Variants in HNRNPU observed in about 807,000 individuals in gnomAD.
The protein encoded by HNRNPU is HNRNPU antisense RNA 1.
A neutral mutation model predicts 94.7 loss-of-function variants in HNRNPU; 5 were observed. That is an observed-to-expected ratio of 0.05 (90% confidence interval 0.03 to 0.11). HNRNPU has a LOEUF of 0.11. HNRNPU is among the 10% of genes least tolerant of loss of function. HNRNPU has a pLI of 1.00. For synonymous variants in HNRNPU, 434 were observed against 381.6 expected, an observed-to-expected ratio of 1.14 and a Z score of -1.60; for missense variants, 710 against 1,049.2, an observed-to-expected ratio of 0.68 and a Z score of 4.47.
At position 244,853,895 on chromosome 1, in the gene HNRNPU, AAACC is replaced by A. The variant is rs1204523762; in HGVS notation, c.*551_*554del. 1 of 152,810 alleles carries A rather than the reference AAACC, an allele frequency of 6.5e-6. No homozygotes were observed. Among genetic ancestry groups the A allele is most frequent in the Non-Finnish European group, 1.5e-5 (1 of 68,126 alleles). 9.5% of individuals were successfully genotyped at this position (152,810 alleles called of 1,614,324 possible). A position where few individuals can be genotyped will look rare whatever the true frequency, so the allele number is the denominator to read the frequency against. ...CCAATTCCATTGTTATTTTAAGAAA[AAACC>A]TTCCCAGTTATTGTCAGAAACTATG... is the stretch of plus-strand genomic sequence containing the variant. On this transcript the variant is annotated 3_prime_UTR_variant, in exon 14 of 14. Coordinates refer to ENST00000640218, the MANE Select transcript of HNRNPU (RefSeq NM_031844.3).
In HNRNPU at chr1:244,855,625, G is replaced by A. The variant is rs1213355552; in HGVS notation, c.2168-17C>T. 8 of 1,613,000 alleles carry A rather than the reference G, an allele frequency of 5.0e-6. No homozygotes were observed. The South Asian group carries it at 8.8e-5, about 18-fold the overall frequency. On this transcript the variant is annotated splice_polypyrimidine_tract_variant and intron_variant, in intron 11 of 13. Coordinates refer to ENST00000640218, the MANE Select transcript of HNRNPU (RefSeq NM_031844.3). ...TCCCAGGGGCTAAAAGACAAGAGCTGTTTTAGTTTCATTGTATATTGTACC... is the reference window on the plus strand; with the variant it reads ...TCCCAGGGGCTAAAAGACAAGAGCTATTTTAGTTTCATTGTATATTGTACC...
At chr1:244,860,278 G>A in intron 4 of HNRNPU, 57 bp downstream of exon 4, 2 of 1,506,914 alleles carry the variant, frequency 1.3e-6, no homozygotes, top group Non-Finnish European at 1.8e-6. Context: ...TCCAGCCTAG[G>A]GAACAGAGTG....
intron 13 of HNRNPU, 128 bp downstream of exon 13, chr1:244,854,845 G>T (rs749140687): frequency 9.2e-6 from 7 of 760,290 alleles, no homozygotes; most frequent in Admixed American, 2.4e-5. Flanking sequence ...ACTGCAAGAC[G>T]ATTCACACTT....
rs1259284929 is a variant in HNRNPU, at chr1:244,856,614, A to T, written c.1755T>A (p.Ser585=). The T allele has an allele frequency of 6.2e-7, 1 of 1,613,636 alleles. No homozygotes were observed. Reference sequence around the variant, plus strand: ...ACATTTTTCTCCTCTGGGCAGCAGCAGACACATTTGTCTTTAAAAAAAGAA... The same window carrying T: ...ACATTTTTCTCCTCTGGGCAGCAGCTGACACATTTGTCTTTAAAAAAAGAA... ...RNFILDQTNV[S]AAAQRRKMCL... Residue 585 remains serine, a synonymous_variant, in exon 10 of 14, where the codon TCT becomes TCA. Coordinates refer to ENST00000640218, the MANE Select transcript of HNRNPU (RefSeq NM_031844.3).
intron 5 of HNRNPU, 133 bp downstream of exon 5, chr1:244,859,140 AAT>A (rs1680759697): frequency 1.7e-6 from 1 of 601,872 alleles, no homozygotes; most frequent in Non-Finnish European, 2.9e-6. Flanking sequence ...ACTATGTGCT[AAT>A]ATTACCTGTC....
chr1:244,858,587 T>C (rs1451592546), intron 6 of HNRNPU, 142 bp downstream of exon 6: 3 of 633,232 alleles, frequency 4.7e-6, no homozygotes, highest in African/African-American at 3.7e-5. Flanking sequence ...ATTCAACTGC[T>C]GAATGAAGTC....
chr1:244,860,603 CTGT>C (rs1680801033), intron 3 of HNRNPU, 129 bp from the exon 4 acceptor site: 1 of 678,852 alleles, frequency 1.5e-6, no homozygotes. Context: ...CCACATCATG[CTGT>C]TGTTCCAATT....
intron 4 of HNRNPU, 54 bp downstream of exon 4, chr1:244,860,281 A>G (rs1390378477): frequency 6.6e-7 from 1 of 1,511,678 alleles, no homozygotes; most frequent in Non-Finnish European, 9.0e-7. Flanking sequence ...AGCCTAGGGA[A>G]CAGAGTGAGA....
In HNRNPU at chr1:244,853,394, G is replaced by A. The variant is rs1680597412; in HGVS notation, c.*1056C>T. The A allele has an allele frequency of 2.0e-5, 3 of 152,482 alleles. No homozygotes were observed. Among genetic ancestry groups the A allele is most frequent in the African/African-American group, 7.2e-5 (3 of 41,414 alleles). The allele number at this position is 152,482 out of a possible 1,614,324, so 9.4% of individuals were successfully genotyped here. A position where few individuals can be genotyped will look rare whatever the true frequency, so the allele number is the denominator to read the frequency against. On this transcript the variant is annotated 3_prime_UTR_variant, in exon 14 of 14. Coordinates refer to ENST00000640218, the MANE Select transcript of HNRNPU (RefSeq NM_031844.3). ...GAGAATCCCAAAACAAGAGTAAAAT[G>A]AATTCTTTTTATTGCAAACAAACGT...
At chr1:244,855,331 T>A (rs1282172230) in intron 12 of HNRNPU, 93 bp downstream of exon 12, 20 of 1,205,280 alleles carry the variant, frequency 1.7e-5, no homozygotes, top group Non-Finnish European at 2.4e-5. Context: ...TCATGTTCCT[T>A]ACGGATTACT....
Position 244,864,386 on chromosome 1 carries a change from G to A in HNRNPU, c.-79C>T. ...TCGGCCACTGGTGGCGGCTGCTGCGGCTGCTCCTCGGCCCGGGCGGCGGCT... is the reference window on the plus strand; with the variant it reads ...TCGGCCACTGGTGGCGGCTGCTGCGACTGCTCCTCGGCCCGGGCGGCGGCT... On this transcript the variant is annotated 5_prime_UTR_variant, in exon 1 of 14. Coordinates refer to ENST00000640218, the MANE Select transcript of HNRNPU (RefSeq NM_031844.3). The A allele has an allele frequency of 6.3e-7, 1 of 1,585,044 alleles. No individual in the cohort carries two copies. Among genetic ancestry groups the A allele is most frequent in the Non-Finnish European group, 8.5e-7 (1 of 1,170,472 alleles).
chr1:244,854,924 G>C (rs1392832852), intron 13 of HNRNPU, 49 bp downstream of exon 13: 2 of 1,354,220 alleles, frequency 1.5e-6, no homozygotes, highest in Non-Finnish European at 2.1e-6. Context: ...TAAATCTTAG[G>C]AACTCAAAAT....
chr1:244,856,950 A>T lies in HNRNPU; in HGVS notation c.1615-94T>A, dbSNP rs1439114167. 5.0e-6 allele frequency: 5 copies of T among 1,008,796 alleles called. No homozygotes were observed. In the Admixed American group the frequency reaches 9.8e-5, roughly 20 times the overall value. 62.5% of individuals were successfully genotyped at this position (1,008,796 alleles called of 1,614,324 possible). A position where few individuals can be genotyped will look rare whatever the true frequency, so the allele number is the denominator to read the frequency against. On this transcript the variant is annotated intron_variant, in intron 8 of 13. Transcript: ENST00000640218. ...ACTCATATCTATATGTAAAGCAGGC[A>T]ACATTTTATAATTTAAATATTACCT...
At position 244,856,019 on chromosome 1, in the gene HNRNPU, G is replaced by A. The variant is rs1680670133; in HGVS notation, c.2052C>T (p.Asn684=). The change falls in exon 11 of 14, where the codon AAC becomes AAT. Residue 684 remains asparagine, a synonymous_variant. Coordinates refer to ENST00000640218, the MANE Select transcript of HNRNPU (RefSeq NM_031844.3). The part of the protein sequence containing the change: ...KKALPPEKKQ[N]TGSKKSNKNK... ...TTTTATTGCTTTTCTTTGAGCCAGT[G>A]TTCTGTTTCTTTTCTGGTGGAAGAG... 1.2e-6 allele frequency: 2 copies of A among 1,614,012 alleles called. No homozygotes were observed. Among genetic ancestry groups the A allele is most frequent in the Non-Finnish European group, 1.7e-6 (2 of 1,180,008 alleles).
chr1:244,860,170 T>G, intron 4 of HNRNPU, 165 bp downstream of exon 4: 1 of 558,420 alleles, frequency 1.8e-6, no homozygotes. Flanking sequence ...TGTGGTAGTG[T>G]GTGCCTCTAG....
chr1:244,864,293 A>C lies in HNRNPU; in HGVS notation c.15T>G (p.Pro5=), dbSNP rs778834545. The change falls in exon 1 of 14, where the codon CCT becomes CCG. Residue 5 remains proline (P), a synonymous_variant. Coordinates refer to ENST00000640218, the MANE Select transcript of HNRNPU (RefSeq NM_031844.3). MSSS[P]VNVKKLKVSE... ...ACACCTTCAGCTTTTTTACATTAAC[A>C]GGCGAGGAACTCATGGTGAGGGCCC... 2 of 1,612,948 alleles carry C rather than the reference A, an allele frequency of 1.2e-6. No individual in the cohort carries two copies. Among genetic ancestry groups the C allele is most frequent in the South Asian group, 1.1e-5 (1 of 91,076 alleles).
chr1:244,855,796 T>A, intron 11 of HNRNPU, 108 bp downstream of exon 11: 1 of 1,347,494 alleles, frequency 7.4e-7, no homozygotes, highest in East Asian at 2.3e-5. Context: ...CTTTAGTTAC[T>A]GTGACAGTAT....
Position 244,858,846 on chromosome 1 carries a change from G to A in HNRNPU, c.1118-5C>T. 3.9e-6 allele frequency: 5 copies of A among 1,279,254 alleles called. No homozygotes were observed. The highest frequency in any genetic ancestry group is 5.7e-6 in the Non-Finnish European group (5 of 880,032). 79.2% of individuals were successfully genotyped at this position (1,279,254 alleles called of 1,614,324 possible). A position where few individuals can be genotyped will look rare whatever the true frequency, so the allele number is the denominator to read the frequency against. On this transcript the variant is annotated splice_region_variant and splice_polypyrimidine_tract_variant and intron_variant, in intron 5 of 13. Coordinates refer to ENST00000640218, the MANE Select transcript of HNRNPU (RefSeq NM_031844.3). ...CATAAGAAAATTCTTCTTCACCTAAGAAAATAATTAATCTTCATGAAGTAG... is the reference window on the plus strand; with the variant it reads ...CATAAGAAAATTCTTCTTCACCTAAAAAAATAATTAATCTTCATGAAGTAG...
chr1:244,857,821 T>G (rs1680719923), intron 7 of HNRNPU, 104 bp from the exon 8 acceptor site: 1 of 1,451,412 alleles, frequency 6.9e-7, no homozygotes, highest in African/African-American at 1.4e-5. Context: ...TTCATAGCCC[T>G]TACACTAACG....
Sources: allele counts gnomAD v4.1 joint callset, GRCh38; gene constraint gnomAD v4.1.1; transcripts MANE v1.5; gene names NCBI Gene and HGNC (gene_info 2026-07-23, HGNC 2026-07-21).